Variants in FAM117A observed in about 807,000 individuals in gnomAD.
FAM117A encodes the protein protein FAM117A.
A neutral mutation model predicts 44.1 loss-of-function variants in FAM117A; 21 were observed. The observed-to-expected ratio is 0.48, with a 90% confidence interval of 0.34 to 0.69. FAM117A has a LOEUF of 0.69. FAM117A is among the 30% of genes least tolerant of loss of function. FAM117A has a pLI of 0.01. For synonymous variants in FAM117A, 220 were observed against 238.3 expected (o/e 0.92, Z 0.71); for missense variants, 498 against 589.9 (o/e 0.84, Z 1.61).
At chr17:49,750,757 C>T (rs1460920441) in intron 1 of FAM117A, among the ~76,000 whole-genome samples, 2 of 151,992 alleles carry the variant, frequency 1.3e-5, no homozygotes, top group African/African-American at 4.8e-5. Flanking sequence ...GCCTGGGCAA[C>T]AAGAGCAAAA....
intron 7 of FAM117A, 39 bp downstream of exon 7, chr17:49,716,126 A>AC: frequency 2.3e-5 from 24 of 1,053,976 alleles, no homozygotes; most frequent in Non-Finnish European, 3.3e-5. Flanking sequence ...ATGTAGGCCC[A>AC]CCCTCCCCTC....
chr17:49,741,521 T>C (rs2143753165), intron 1 of FAM117A, among the ~76,000 whole-genome samples: 1 of 151,942 alleles, frequency 6.6e-6, no homozygotes, highest in Admixed American at 6.6e-5. Context: ...CTACAACCTG[T>C]TTTTTTTCAG....
intron 7 of FAM117A, among the ~76,000 whole-genome samples, chr17:49,715,028 A>T (rs774119541): frequency 3.3e-5 from 5 of 152,170 alleles, no homozygotes; most frequent in Non-Finnish European, 5.9e-5. Context: ...CACTGAGTCT[A>T]TGAAAAAATC....
chr17:49,723,657 G>A (rs1436301361), intron 2 of FAM117A, among the ~76,000 whole-genome samples: 1 of 152,116 alleles, frequency 6.6e-6, no homozygotes, highest in Non-Finnish European at 1.5e-5. Context: ...AACAGAAAAG[G>A]GGGAGGACGG....
intron 1 of FAM117A, among the ~76,000 whole-genome samples, chr17:49,741,517 C>T (rs17713461): frequency 0.034 from 5,146 of 152,182 alleles, 113 homozygotes; most frequent in Non-Finnish European, 0.05. Context: ...TTTTCTACAA[C>T]CTGTTTTTTT....
At chr17:49,776,909 A>C (rs539690664) in intron 1 of FAM117A, among the ~76,000 whole-genome samples, 1 of 152,302 alleles carries the variant, frequency 6.6e-6, no homozygotes, top group South Asian at 2.1e-4. Context: ...CAGGACCAGA[A>C]GCGTGTGTGG....
At chr17:49,750,443 T>G (rs192093490) in intron 1 of FAM117A, among the ~76,000 whole-genome samples, 7 of 149,086 alleles carry the variant, frequency 4.7e-5, no homozygotes, top group Admixed American at 4.7e-4. Context: ...TTGCCAACAA[T>G]GCAAACAGCA....
chr17:49,778,794 G>T (rs912075887), intron 1 of FAM117A, among the ~76,000 whole-genome samples: 5 of 152,178 alleles, frequency 3.3e-5, no homozygotes, highest in Admixed American at 2.0e-4. Flanking sequence ...CTTACAGTCT[G>T]GGGTGTGTGT....
chr17:49,726,150 A>G (rs1035508465), intron 2 of FAM117A, among the ~76,000 whole-genome samples: 4 of 152,224 alleles, frequency 2.6e-5, no homozygotes, highest in African/African-American at 9.6e-5. Flanking sequence ...TTGTTAAAGC[A>G]GCCTCAGAAA....
rs1207405506 is a variant in FAM117A, at chr17:49,787,986, G to C, written c.-621+511C>G. On this transcript the variant is annotated intron_variant, in intron 1 of 7. Transcript: ENST00000513602. ...ATTTTTCACCCCAGGGCCCCCAGTG[G>C]TCTCAAACCCAAACACAGTGCGGTT... is the stretch of plus-strand genomic sequence containing the variant. Among the ~76,000 whole-genome samples, 6 of 152,254 alleles carry C rather than the reference G, an allele frequency of 3.9e-5. No individual in the cohort carries two copies. In the East Asian group the frequency reaches 1.2e-3, roughly 29 times the overall value.
At chr17:49,719,367 CATGCGTGTT>C (rs1555594445) in intron 5 of FAM117A, among the ~76,000 whole-genome samples, 1 of 152,072 alleles carries the variant, frequency 6.6e-6, no homozygotes, top group Non-Finnish European at 1.5e-5. Flanking sequence ...ATGAAGGAGG[CATGCGTGTT>C]ACCAGGTAGA....
At chr17:49,762,456 T>C (rs1332183096) in intron 1 of FAM117A, among the ~76,000 whole-genome samples, 3 of 152,234 alleles carry the variant, frequency 2.0e-5, no homozygotes, top group Non-Finnish European at 4.4e-5. Context: ...TGACCAAGTT[T>C]CTGCATCCCA....
intron 2 of FAM117A, among the ~76,000 whole-genome samples, chr17:49,727,986 AC>A (rs1384677326): frequency 1.3e-5 from 2 of 152,252 alleles, no homozygotes; most frequent in African/African-American, 4.8e-5. Context: ...CTCCGGCCAA[AC>A]AAAAAGGCCG....
At chr17:49,730,401 A>G (rs1338050924) in intron 2 of FAM117A, among the ~76,000 whole-genome samples, 1 of 152,236 alleles carries the variant, frequency 6.6e-6, no homozygotes, top group Non-Finnish European at 1.5e-5. Flanking sequence ...CCTAGGGCCC[A>G]TGCCTCTAAA....
intron 1 of FAM117A, among the ~76,000 whole-genome samples, chr17:49,760,906 T>C (rs2073720203): frequency 3.3e-5 from 5 of 152,248 alleles, no homozygotes; most frequent in Non-Finnish European, 7.3e-5. Flanking sequence ...TCTTAGCTTT[T>C]TTAGAGTTAT....
intron 1 of FAM117A, among the ~76,000 whole-genome samples, chr17:49,736,834 T>G (rs2073612797): frequency 6.6e-6 from 1 of 152,212 alleles, no homozygotes; most frequent in South Asian, 2.1e-4. Flanking sequence ...CCTCAGTACT[T>G]TGTACTCTTC....
chr17:49,772,953 C>T (rs1380960400), intron 1 of FAM117A, among the ~76,000 whole-genome samples: 1 of 152,044 alleles, frequency 6.6e-6, no homozygotes, highest in East Asian at 1.9e-4. Context: ...AGGAGGATCA[C>T]GAGGTCAAGA....
At position 49,710,970 on chromosome 17, in the gene FAM117A, G is replaced by T; in HGVS notation, c.*285C>A. On this transcript the variant is annotated 3_prime_UTR_variant, in exon 8 of 8. Transcript: ENST00000240364. ...ATTTGGACTGACACCCAGGGGTGGG[G>T]GACTCAAGACCTTCTGGGTGTTTTC... 3.0e-6 allele frequency: 1 copy of T among 338,154 alleles called. No individual in the cohort carries two copies. 20.9% of individuals were successfully genotyped at this position (338,154 alleles called of 1,614,324 possible).
intron 5 of FAM117A, 120 bp from the exon 6 acceptor site, chr17:49,717,834 G>T (rs2073512546): frequency 7.8e-6 from 6 of 769,836 alleles, no homozygotes; most frequent in South Asian, 4.4e-5. Flanking sequence ...CACAACCACA[G>T]AACACCATTT....
Sources: allele counts gnomAD v4.1 joint callset (sites outside exome capture counted in the v4.1 genomes callset), GRCh38; gene constraint gnomAD v4.1.1; transcripts MANE v1.5; gene names NCBI Gene and HGNC (gene_info 2026-07-23, HGNC 2026-07-21).